The following PEX1 variants were observed in gnomAD, a reference collection of about 807,000 sequenced individuals.
PEX1 encodes peroxisomal ATPase PEX1.
PEX1 carries 97 observed loss-of-function variants against 152.5 expected under a neutral mutation model. The ratio of observed to expected loss-of-function variants is 0.64; its 90% confidence interval spans 0.54 to 0.75. The LOEUF (loss-of-function observed/expected upper bound fraction) is 0.75, where lower values mean the gene tolerates loss of function less well. PEX1 is among the 30% of genes least tolerant of loss of function. The pLI, the probability that PEX1 is intolerant of heterozygous loss-of-function variation, is 0.00. For synonymous variants in PEX1, 485 were observed against 531.6 expected (o/e 0.91, Z 1.21); for missense variants, 1,357 against 1,516.3 (o/e 0.89, Z 1.74).
rs759769512 is a variant in PEX1, at chr7:92,489,695, G to C, written c.3636+19C>G. Reference sequence around the variant, plus strand: ...TTTAAGAAGTTTTAACAATTATAATGAGGGGGAAAAAGCCATACTCCACTT... The same window carrying C: ...TTTAAGAAGTTTTAACAATTATAATCAGGGGGAAAAAGCCATACTCCACTT... On this transcript the variant is annotated intron_variant, in intron 22 of 23. Coordinates refer to ENST00000248633, the MANE Select transcript of PEX1 (RefSeq NM_000466.3). 1.9e-6 allele frequency: 3 copies of C among 1,601,040 alleles called. No homozygotes were observed. The highest frequency in any genetic ancestry group is 2.6e-6 in the Non-Finnish European group (3 of 1,168,100).
At position 92,494,472 on chromosome 7, in the gene PEX1, A is replaced by AT; in HGVS notation, c.2926+14dup. 2 of 1,613,010 alleles carry AT rather than the reference A, an allele frequency of 1.2e-6. No homozygotes were observed. Among genetic ancestry groups the AT allele is most frequent in the Non-Finnish European group, 1.7e-6 (2 of 1,179,032 alleles). ...TTTTGTTATAACATTCTATTTCTGT[A>AT]TTTATAATTATTACCCTGTAAGCCT... is the stretch of plus-strand genomic sequence containing the variant. On this transcript the variant is annotated intron_variant, in intron 18 of 23. Transcript: ENST00000248633.
chr7:92,513,907 G>C lies in PEX1; in HGVS notation c.1300C>G (p.Pro434Ala), dbSNP rs765528934. Residue 434 changes from proline (P) to alanine (A), a missense_variant, in exon 6 of 24, where the codon CCA becomes GCA. Physicochemically the swap from Pro to Ala is conservative, Grantham distance 27. Coordinates refer to ENST00000248633, the MANE Select transcript of PEX1 (RefSeq NM_000466.3). ...GGAATTTTAGGGGTAACTTCCACTG[G>C]AGTTATCCTGACTACGGCATGCATT... ...IEMHAVVRITPVEVTPKIPRS... is the reference protein window; with the variant it reads ...IEMHAVVRITAVEVTPKIPRS... The C allele has an allele frequency of 3.2e-6, 5 of 1,586,252 alleles. No individual in the cohort carries two copies. Among genetic ancestry groups the C allele is most frequent in the South Asian group, 2.2e-5 (2 of 90,362 alleles).
At chr7:92,520,360 G>A (rs1231224187) in intron 2 of PEX1, among the ~76,000 whole-genome samples, 1 of 152,174 alleles carries the variant, frequency 6.6e-6, no homozygotes, top group South Asian at 2.1e-4. Context: ...CAACAATTTA[G>A]AGTATGCAAG....
At chr7:92,524,745 G>A (rs944688826) in intron 1 of PEX1, among the ~76,000 whole-genome samples, 1 of 152,176 alleles carries the variant, frequency 6.6e-6, no homozygotes, top group Non-Finnish European at 1.5e-5. Flanking sequence ...TGTTCTGGCT[G>A]ACAAATTCTT....
chr7:92,525,036 C>A (rs1040750853), intron 1 of PEX1, among the ~76,000 whole-genome samples: 1 of 152,154 alleles, frequency 6.6e-6, no homozygotes, highest in African/African-American at 2.4e-5. Flanking sequence ...AAAAATACTT[C>A]TAATTATTTA....
chr7:92,526,473 C>T (rs1793273402), intron 1 of PEX1, among the ~76,000 whole-genome samples: 2 of 152,216 alleles, frequency 1.3e-5, no homozygotes, highest in African/African-American at 2.4e-5. Context: ...TTTCTGCTTT[C>T]ATAATTATCT....
At chr7:92,516,065 G>GAGAA (rs1562864924) in intron 5 of PEX1, among the ~76,000 whole-genome samples, 3,463 of 58,762 alleles carry the variant, frequency 0.059, 55 homozygotes, top group South Asian at 0.12. Context: ...AAAAAGAAAA[G>GAGAA]AAAAGAAAAG....
intron 17 of PEX1, 122 bp from the exon 18 acceptor site, chr7:92,494,751 T>G (rs1791566650): frequency 1.8e-6 from 1 of 548,028 alleles, no homozygotes; most frequent in Non-Finnish European, 2.7e-6. Context: ...CTTCTTTTAA[T>G]TTTTACAACA....
At position 92,504,817 on chromosome 7, in the gene PEX1, A is replaced by G. The variant is rs747406256; in HGVS notation, c.1986T>C (p.Asp662=). The stretch of plus-strand genomic sequence containing the variant: ...GCAGTCCAGCAATGAGGTCAAGGTC[A>G]TCCAGCAGGACAACAGATGGCTGCA... ...VWMQPSVVLL[D]DLDLIAGLPA... is the part of the protein sequence containing the mutation. The change falls in exon 12 of 24, where the codon GAT becomes GAC. Residue 662 remains aspartate (D), a synonymous_variant. Transcript: ENST00000248633. 6.2e-7 allele frequency: 1 copy of G among 1,614,076 alleles called. No individual in the cohort carries two copies. Among genetic ancestry groups the G allele is most frequent in the East Asian group, 2.2e-5 (1 of 44,878 alleles).
At position 92,507,133 on chromosome 7, in the gene PEX1, A is replaced by G. The variant is rs74519968; in HGVS notation, c.1671-7T>C. On this transcript the variant is annotated splice_polypyrimidine_tract_variant and splice_region_variant and intron_variant, in intron 9 of 23. Coordinates refer to ENST00000248633, the MANE Select transcript of PEX1 (RefSeq NM_000466.3). ...GCCTAAGGAATTCACTCCTCTGTAA[A>G]AAATATACATAGTTACATGATAAAA... is the stretch of plus-strand genomic sequence containing the variant. 0.016 allele frequency: 25,076 copies of G among 1,612,494 alleles called. 230 individuals carry two copies. The highest frequency in any genetic ancestry group is 0.019 in the Non-Finnish European group (21,945 of 1,178,548).
In PEX1 at chr7:92,506,291, T is replaced by G. The variant is rs1393403749; in HGVS notation, c.1857A>C (p.Lys619Asn). ...CAACTCTCTCCACATGGGCATCCAG[T>G]TTGTCAAATGCTTCTTTACAGATTG... Reference protein sequence around the residue: ...AKAICKEAFDKLDAHVERVDC... With the variant: ...AKAICKEAFDNLDAHVERVDC... The change falls in exon 11 of 24, where the codon AAA becomes AAC. Residue 619 changes from lysine (K) to asparagine (N), a missense_variant. Transcript: ENST00000248633. 6.2e-7 allele frequency: 1 copy of G among 1,612,110 alleles called. No homozygotes were observed. Among genetic ancestry groups the G allele is most frequent in the East Asian group, 2.2e-5 (1 of 44,814 alleles).
chr7:92,495,082 A>G (rs1791586153), intron 17 of PEX1, among the ~76,000 whole-genome samples: 1 of 151,990 alleles, frequency 6.6e-6, no homozygotes, highest in Non-Finnish European at 1.5e-5. Flanking sequence ...ATGCCTATTC[A>G]TTTATTTTGC....
intron 15 of PEX1, among the ~76,000 whole-genome samples, chr7:92,500,150 C>A (rs891658091): frequency 6.6e-6 from 1 of 152,174 alleles, no homozygotes; most frequent in African/African-American, 2.4e-5. Context: ...AATCTTTTAA[C>A]AAGTATAGTG....
intron 1 of PEX1, 47 bp downstream of exon 1, chr7:92,528,260 G>T (rs1467110306): frequency 1.9e-6 from 3 of 1,544,804 alleles, no homozygotes; most frequent in African/African-American, 2.7e-5. Context: ...CTTCGGCCTC[G>T]TCCGACCCCA....
intron 20 of PEX1, 187 bp from the exon 21 acceptor site, chr7:92,491,689 C>T (rs1318996218): frequency 1.8e-6 from 1 of 566,528 alleles, no homozygotes; most frequent in Non-Finnish European, 3.1e-6. Flanking sequence ...ATTATAAAGA[C>T]AAGATAGAAT....
Position 92,489,861 on chromosome 7 carries a change from TC to T in PEX1, c.3488del (p.Gly1163GlufsTer15), listed in dbSNP as rs868580225. The part of the protein sequence containing the change: ...APSSMTQDLP[G>X]VPGKDQLFSQ... ...AAAACAACTGGTCTTTCCCAGGAAC[TC>T]CAGGCAAATCCTGAGTCATGGAGCT... On this transcript the variant is annotated frameshift_variant, in exon 22 of 24. Transcript: ENST00000248633. LOFTEE classifies it high-confidence loss of function. The T allele has an allele frequency of 6.2e-7, 1 of 1,613,950 alleles. No homozygotes were observed. Among genetic ancestry groups the T allele is most frequent in the African/African-American group, 1.3e-5 (1 of 74,908 alleles).
Position 92,501,522 on chromosome 7 carries a change from GATA to G in PEX1, c.2565_2567del (p.Ile856del). On this transcript the variant is annotated inframe_deletion, in exon 15 of 24. Coordinates refer to ENST00000248633, the MANE Select transcript of PEX1 (RefSeq NM_000466.3). ...TTAAACATACCTTGGCAGGTAACTGGATAGTATCCATGAGTATCTGCCTAACTT... is the reference window on the plus strand; with the variant it reads ...TTAAACATACCTTGGCAGGTAACTGGGTATCCATGAGTATCTGCCTAACTT... 6.2e-7 allele frequency: 1 copy of G among 1,613,296 alleles called. No homozygotes were observed. The highest frequency in any genetic ancestry group is 8.5e-7 in the Non-Finnish European group (1 of 1,179,372).
intron 15 of PEX1, 77 bp from the exon 16 acceptor site, chr7:92,499,915 T>G: frequency 8.3e-7 from 1 of 1,204,568 alleles, no homozygotes; most frequent in African/African-American, 1.5e-5. Context: ...TAAAGATCAA[T>G]GTATAGAAAA....
intron 17 of PEX1, 150 bp downstream of exon 17, chr7:92,496,563 A>C: frequency 1.5e-6 from 1 of 680,286 alleles, no homozygotes; most frequent in Non-Finnish European, 2.7e-6. Context: ...TATTTGATGA[A>C]ATAGAGAATC....
Sources: gnomAD v4.1 joint callset for allele counts (sites outside exome capture counted in the v4.1 genomes callset) on GRCh38, gnomAD v4.1.1 for gene constraint, MANE v1.5 for transcripts, NCBI Gene and HGNC (gene_info 2026-07-23, HGNC 2026-07-21) for gene names.